RPL37: variants seen among roughly 807,000 people sequenced by gnomAD.
The protein encoded by RPL37 is ribosomal protein L37.
In RPL37, 1 loss-of-function variant was observed where a neutral mutation model predicts 14.8. The ratio of observed to expected loss-of-function variants is 0.07; its 90% CI spans 0.02 to 0.32. The LOEUF is 0.32. RPL37 is among the 10% of genes least tolerant of loss of function. The probability of loss-of-function intolerance (pLI) is 1.00; values close to 1 mark genes in which losing one functional copy is unlikely to be tolerated. For synonymous variants in RPL37, 53 were observed against 45.8 expected, an observed-to-expected ratio of 1.16 and a Z score of -0.63; for missense variants, 100 against 128.3, an observed-to-expected ratio of 0.78 and a Z score of 1.06.
rs1380007998 is a variant in RPL37 at position 40,825,937 on chromosome 5, C to T, written c.*6567G>A. ...GCCAGGCTGGTCTCAAACTCCTGAC[C>T]TCAGGTGATCTACCCGCCTCAGAGC... is the stretch of plus-strand genomic sequence containing the variant. On this transcript the variant is annotated 3_prime_UTR_variant, in exon 4 of 4. Coordinates refer to ENST00000274242, the MANE Select transcript of RPL37 (RefSeq NM_000997.5). 2 of 152,140 alleles carry T rather than the reference C, an allele frequency of 1.3e-5. No homozygotes were observed. The highest frequency in any genetic ancestry group is 2.9e-5 in the Non-Finnish European group (2 of 68,084). The allele number at this position is 152,140 out of a possible 1,614,324, so 9.4% of individuals were successfully genotyped here.
intron 3 of RPL37, 91 bp from the exon 4 acceptor site, chr5:40,832,664 TC>T (rs1745668290): frequency 1.1e-6 from 1 of 931,172 alleles, no homozygotes; most frequent in Non-Finnish European, 1.8e-6. Flanking sequence ...TGCGCTTATC[TC>T]AGTTAAATGC....
At position 40,827,658 on chromosome 5, in the gene RPL37, T is replaced by C. The variant is rs1291227879; in HGVS notation, c.*4846A>G. 6.6e-6 allele frequency: 1 copy of C among 152,164 alleles called. No homozygotes were observed. Among genetic ancestry groups the C allele is most frequent in the Admixed American group, 6.5e-5 (1 of 15,274 alleles). 9.4% of individuals were successfully genotyped at this position (152,164 alleles called of 1,614,324 possible). Reference sequence around the variant, plus strand: ...CATACTCGTGTACATGAGAACCATTTTTCCATTGCAACTTTTCTTGTCAAA... The same window carrying C: ...CATACTCGTGTACATGAGAACCATTCTTCCATTGCAACTTTTCTTGTCAAA... On this transcript the variant is annotated 3_prime_UTR_variant, in exon 4 of 4. Coordinates refer to ENST00000274242, the MANE Select transcript of RPL37 (RefSeq NM_000997.5).
intron 3 of RPL37, 84 bp from the exon 4 acceptor site, chr5:40,832,657 G>A (rs537556543): frequency 9.3e-5 from 91 of 982,114 alleles, no homozygotes; most frequent in East Asian, 7.2e-4. Flanking sequence ...ATTTCAATGC[G>A]CTTATCTCAG....
rs1364161971 is a variant in RPL37, at chr5:40,827,968, AT to A, written c.*4535del. ...TCCAAACTCCTTTGTTTAAAAAAAA[AT>A]AAAACACCTAAATATAATCCAAATG... On this transcript the variant is annotated 3_prime_UTR_variant, in exon 4 of 4. Coordinates refer to ENST00000274242, the MANE Select transcript of RPL37 (RefSeq NM_000997.5). The A allele has an allele frequency of 1.3e-5, 2 of 151,820 alleles. No individual in the cohort carries two copies. The highest frequency in any genetic ancestry group is 2.9e-5 in the Non-Finnish European group (2 of 67,924). The allele number at this position is 151,820 out of a possible 1,614,324, so 9.4% of individuals were successfully genotyped here. A position where few individuals can be genotyped will look rare whatever the true frequency, so the allele number is the denominator to read the frequency against.
At position 40,828,815 on chromosome 5, in the gene RPL37, T is replaced by G. The variant is rs1745573245; in HGVS notation, c.*3689A>C. ...GTCAGAGGGCAGAAAACACATCTGG[T>G]TTTGCTCCCACTGTATCTCTAACAT... On this transcript the variant is annotated 3_prime_UTR_variant, in exon 4 of 4. Transcript: ENST00000274242. 6.6e-6 allele frequency: 1 copy of G among 152,142 alleles called. No homozygotes were observed. The highest frequency in any genetic ancestry group is 2.1e-4 in the South Asian group (1 of 4,830). The allele number at this position is 152,142 out of a possible 1,614,324, so 9.4% of individuals were successfully genotyped here. A position where few individuals can be genotyped will look rare whatever the true frequency, so the allele number is the denominator to read the frequency against.
chr5:40,833,430 G>T (rs999684254), intron 3 of RPL37, among the ~76,000 whole-genome samples: 1 of 152,184 alleles, frequency 6.6e-6, no homozygotes, highest in Non-Finnish European at 1.5e-5. Flanking sequence ...ATCTTAGATG[G>T]GTTAATCTCT....
At position 40,832,572 on chromosome 5, in the gene RPL37, G is replaced by C. The variant is rs917470708; in HGVS notation, c.226C>G (p.His76Asp). The C allele has an allele frequency of 1.2e-6, 2 of 1,613,198 alleles. No homozygotes were observed. The highest frequency in any genetic ancestry group is 1.7e-6 in the Non-Finnish European group (2 of 1,179,146). ...GGTGTTGTTCCTTCACGGAATCCAT[G>C]CCTGCAGGATGTCAAAAACAAGAAC... Reference protein sequence around the residue: ...HLKIVYRRFRHGFREGTTPKP... With the variant: ...HLKIVYRRFRDGFREGTTPKP... Residue 76 changes from histidine to aspartate, a missense_variant and splice_region_variant, in exon 4 of 4, where the codon CAT becomes GAT. Around this residue, in one of 2 missense-constraint regions of RPL37, gnomAD observed 74 missense variants for 69.9 expected, o/e 1.06. Coordinates refer to ENST00000274242, the MANE Select transcript of RPL37 (RefSeq NM_000997.5).
In RPL37 at chr5:40,832,647, A is replaced by G. The variant is rs749619680; in HGVS notation, c.225-74T>C. 9.2e-6 allele frequency: 10 copies of G among 1,085,058 alleles called. No homozygotes were observed. The African/African-American group carries it at 9.3e-5, about 10-fold the overall frequency. The allele number at this position is 1,085,058 out of a possible 1,614,324, so 67.2% of individuals were successfully genotyped here. On this transcript the variant is annotated intron_variant, in intron 3 of 3. Coordinates refer to ENST00000274242, the MANE Select transcript of RPL37 (RefSeq NM_000997.5). Reference sequence around the variant, plus strand: ...ATACATTTTAATTTTTGTTAAACAGATTTCAATGCGCTTATCTCAGTTAAA... The same window carrying G: ...ATACATTTTAATTTTTGTTAAACAGGTTTCAATGCGCTTATCTCAGTTAAA...
intron 3 of RPL37, 89 bp from the exon 4 acceptor site, chr5:40,832,662 T>C (rs772560145): frequency 5.2e-6 from 5 of 961,524 alleles, no homozygotes; most frequent in Admixed American, 3.4e-5. Flanking sequence ...AATGCGCTTA[T>C]CTCAGTTAAA....
In RPL37 at chr5:40,826,438, C is replaced by A. The variant is rs1384813955; in HGVS notation, c.*6066G>T. The A allele has an allele frequency of 6.6e-6, 1 of 152,128 alleles. No homozygotes were observed. Among genetic ancestry groups the A allele is most frequent in the Non-Finnish European group, 1.5e-5 (1 of 68,010 alleles). The allele number at this position is 152,128 out of a possible 1,614,324, so 9.4% of individuals were successfully genotyped here. A position where few individuals can be genotyped will look rare whatever the true frequency, so the allele number is the denominator to read the frequency against. On this transcript the variant is annotated 3_prime_UTR_variant, in exon 4 of 4. Coordinates refer to ENST00000274242, the MANE Select transcript of RPL37 (RefSeq NM_000997.5). ...GCCATATCAAGGATACAGAAGGGGT[C>A]TAGGATAGAGACCAATGAAGAAATT...
At chr5:40,832,620 G>GCATA (rs746135907) in intron 3 of RPL37, 47 bp from the exon 4 acceptor site, 213 of 1,424,044 alleles carry the variant, frequency 1.5e-4, no homozygotes, top group Non-Finnish European at 1.9e-4. Flanking sequence ...CAACATCGAT[G>GCATA]CATACATTTT....
rs890266174 is a variant in RPL37, at chr5:40,828,509, A to G, written c.*3995T>C. ...GAACCACAGAATAGGTAAACTTCCA[A>G]AAGTATCTAGTGTTGTCTTTTAAAC... On this transcript the variant is annotated 3_prime_UTR_variant, in exon 4 of 4. Coordinates refer to ENST00000274242, the MANE Select transcript of RPL37 (RefSeq NM_000997.5). The G allele has an allele frequency of 7.2e-5, 11 of 152,276 alleles. No individual in the cohort carries two copies. Among genetic ancestry groups the G allele is most frequent in the African/African-American group, 2.4e-4 (10 of 41,552 alleles). 9.4% of individuals were successfully genotyped at this position (152,276 alleles called of 1,614,324 possible).
chr5:40,834,116 C>A, intron 3 of RPL37, 65 bp downstream of exon 3: 1 of 1,114,994 alleles, frequency 9.0e-7, no homozygotes, highest in Non-Finnish European at 1.4e-6. Context: ...TATCTTTTTA[C>A]AAGTAAACAC....
chr5:40,834,424 C>T, intron 2 of RPL37, 47 bp downstream of exon 2: 1 of 1,600,930 alleles, frequency 6.2e-7, no homozygotes, highest in Non-Finnish European at 8.5e-7. Flanking sequence ...CACTTAAGTG[C>T]AATACAAACA....
rs1180391292 is a variant in RPL37, at chr5:40,829,698, TC to T, written c.*2805del. ...GTGTGTATATATATATATATATATA[TC>T]AACAATATATAATTGTGTCTCAATT... is the stretch of plus-strand genomic sequence containing the variant. On this transcript the variant is annotated 3_prime_UTR_variant, in exon 4 of 4. Transcript: ENST00000274242. 1.3e-5 allele frequency: 2 copies of T among 149,256 alleles called. No homozygotes were observed. The highest frequency in any genetic ancestry group is 2.1e-4 in the South Asian group (1 of 4,710). The allele number at this position is 149,256 out of a possible 1,614,324, so 9.2% of individuals were successfully genotyped here. A position where few individuals can be genotyped will look rare whatever the true frequency, so the allele number is the denominator to read the frequency against.
In RPL37 at chr5:40,832,441, C is replaced by T; in HGVS notation, c.*63G>A. 3.5e-6 allele frequency: 5 copies of T among 1,421,804 alleles called. No homozygotes were observed. The highest frequency in any genetic ancestry group is 1.1e-5 in the South Asian group (1 of 87,052). The allele number at this position is 1,421,804 out of a possible 1,614,324, so 88.1% of individuals were successfully genotyped here. On this transcript the variant is annotated 3_prime_UTR_variant, in exon 4 of 4. Transcript: ENST00000274242. Reference sequence around the variant, plus strand: ...AGCCTAATTGATTAAAAATACCTTACCAAAACCAGATATGTATTTTTTAAA... The same window carrying T: ...AGCCTAATTGATTAAAAATACCTTATCAAAACCAGATATGTATTTTTTAAA...
rs931367592 is a variant in RPL37 at position 40,825,521 on chromosome 5, C to A, written c.*6983G>T. On this transcript the variant is annotated 3_prime_UTR_variant, in exon 4 of 4. Transcript: ENST00000274242. ...TTGTTCACTCTGAGGCTTCTGGCTT[C>A]TTATCTCTCCTCTCTTGGGGAGCTG... 2 of 151,854 alleles carry A rather than the reference C, an allele frequency of 1.3e-5. No individual in the cohort carries two copies. 9.4% of individuals were successfully genotyped at this position (151,854 alleles called of 1,614,324 possible).
In RPL37 at chr5:40,829,003, A is replaced by C. The variant is rs547466912; in HGVS notation, c.*3501T>G. 6.6e-6 allele frequency: 1 copy of C among 152,340 alleles called. No homozygotes were observed. The highest frequency in any genetic ancestry group is 2.1e-4 in the South Asian group (1 of 4,830). 9.4% of individuals were successfully genotyped at this position (152,340 alleles called of 1,614,324 possible). Reference sequence around the variant, plus strand: ...GTAAATTCACAAATGGTTTCCACCAATACTAAGTCAAGGATAGTTACTGAA... The same window carrying C: ...GTAAATTCACAAATGGTTTCCACCACTACTAAGTCAAGGATAGTTACTGAA... On this transcript the variant is annotated 3_prime_UTR_variant, in exon 4 of 4. Coordinates refer to ENST00000274242, the MANE Select transcript of RPL37 (RefSeq NM_000997.5).
Position 40,834,190 on chromosome 5 carries a change from C to T in RPL37, c.215G>A (p.Arg72His), listed in dbSNP as rs956918479. The T allele has an allele frequency of 1.2e-6, 2 of 1,611,748 alleles. No homozygotes were observed. Among genetic ancestry groups the T allele is most frequent in the Non-Finnish European group, 1.7e-6 (2 of 1,177,850 alleles). The change falls in exon 3 of 4, where the codon CGC (arginine) becomes CAC (histidine). Residue 72 changes from arginine to histidine, a missense_variant. By Grantham distance (29) the Arg-to-His change is conservative. Coordinates refer to ENST00000274242, the MANE Select transcript of RPL37 (RefSeq NM_000997.5). ...AACATACAAACTGTACCTGAATCTG[C>T]GGTATACAATTTTTAGGTGCCTCAT... ...GRMRHLKIVYRRFRHGFREGT... is the reference protein window; with the variant it reads ...GRMRHLKIVYHRFRHGFREGT...
Sources: allele counts gnomAD v4.1 joint callset (sites outside exome capture counted in the v4.1 genomes callset), GRCh38; gene constraint gnomAD v4.1.1; regional missense constraint gnomAD v4.1.1; transcripts MANE v1.5; gene names NCBI Gene and HGNC (gene_info 2026-07-23, HGNC 2026-07-21).